FGF14: variants seen among roughly 807,000 people sequenced by gnomAD.
The protein encoded by FGF14 is fibroblast growth factor homologous factor 4.
In FGF14, 5 loss-of-function variants were observed where a neutral mutation model predicts 25.5. The ratio of observed to expected loss-of-function variants is 0.20; its 90% CI spans 0.10 to 0.41. FGF14 has a LOEUF of 0.41. Ranked by LOEUF, FGF14 falls within the 10% of genes least tolerant of loss-of-function variation. The pLI is 1.00. For missense variants in FGF14, 222 were observed against 320.1 expected (o/e 0.69, Z 2.34); for synonymous variants, 138 against 118.3 (o/e 1.17, Z -1.08).
At chr13:101,738,235 A>AT (rs1460083976) in intron 3 of FGF14, among the ~76,000 whole-genome samples, 20 of 152,286 alleles carry the variant, frequency 1.3e-4, no homozygotes, top group Admixed American at 6.5e-4. Flanking sequence ...CACCTACATC[A>AT]TGCTGCTATT....
At chr13:101,897,230 C>T (rs2030829122) in intron 1 of FGF14, among the ~76,000 whole-genome samples, 1 of 152,158 alleles carries the variant, frequency 6.6e-6, no homozygotes, top group Non-Finnish European at 1.5e-5. Context: ...CTCTCACATG[C>T]ATTATCTCAT....
At chr13:102,014,673 A>T (rs1449502525) in intron 1 of FGF14, among the ~76,000 whole-genome samples, 1 of 152,198 alleles carries the variant, frequency 6.6e-6, no homozygotes, top group African/African-American at 2.4e-5. Context: ...TCAAAAACAC[A>T]AGTCTTCCAT....
chr13:102,005,541 GT>G lies in FGF14; in HGVS notation c.209-130246del, dbSNP rs35184372. Among the ~76,000 whole-genome samples, 645 of 152,190 alleles carry G rather than the reference GT, an allele frequency of 4.2e-3. 4 individuals are homozygous for G. The highest frequency in any genetic ancestry group is 5.9e-3 in the Non-Finnish European group (400 of 68,016). ...GTTAGAAGTTTCTCTGATTTTTAAA[GT>G]TCAGTGCACATCAGCACAAGCAAAT... On this transcript the variant is annotated intron_variant, in intron 1 of 4. Coordinates refer to the FGF14 transcript ENST00000376131.
chr13:102,051,338 G>A (rs1460604483), intron 1 of FGF14, among the ~76,000 whole-genome samples: 2 of 152,166 alleles, frequency 1.3e-5, no homozygotes, highest in Non-Finnish European at 2.9e-5. Flanking sequence ...GTAGTGGGGA[G>A]TGCCTGTACC....
At position 102,226,127 on chromosome 13, in the gene FGF14, C is replaced by T. The variant is rs371955323; in HGVS notation, c.208+175344G>A. On this transcript the variant is annotated intron_variant, in intron 1 of 4. Coordinates refer to the FGF14 transcript ENST00000376131. ...CCAGGAAGTCTGCCAGCTGGCCCGT[C>T]CCTTACAGCACACTTCCTAAGATGC... Among the ~76,000 whole-genome samples, 17 of 152,188 alleles carry T rather than the reference C, an allele frequency of 1.1e-4. No homozygotes were observed. The East Asian group carries it at 1.7e-3, about 16-fold the overall frequency.
At position 102,164,084 on chromosome 13, in the gene FGF14, T is replaced by A. The variant is rs185602055; in HGVS notation, c.208+237387A>T. On this transcript the variant is annotated intron_variant, in intron 1 of 4. Coordinates refer to the FGF14 transcript ENST00000376131. ...TTGCTTTGTCCAGTGTAATGTCACT[T>A]ACAGGTAGAAGTTTTCAGAGGCTGA... is the stretch of plus-strand genomic sequence containing the variant. 3.1e-3 allele frequency among the ~76,000 whole-genome samples: 476 copies of A among 152,256 alleles called. 3 individuals carry two copies. The highest frequency in any genetic ancestry group is 5.9e-3 in the Admixed American group (90 of 15,274).
chr13:102,354,952 T>C (rs2057381094), intron 1 of FGF14, among the ~76,000 whole-genome samples: 1 of 152,236 alleles, frequency 6.6e-6, no homozygotes, highest in Admixed American at 6.6e-5. Context: ...ACATCTCAGC[T>C]GCAGCTGGTC....
chr13:102,140,043 A>AACCCCCCCC (rs1555365006), intron 1 of FGF14, among the ~76,000 whole-genome samples: 2 of 82,456 alleles, frequency 2.4e-5, no homozygotes, highest in African/African-American at 5.0e-5. Flanking sequence ...ACTCTTCAAG[A>AACCCCCCCC]CCCCCCCCCC....
chr13:101,733,219 T>C (rs1358806271), intron 3 of FGF14, among the ~76,000 whole-genome samples: 1 of 152,170 alleles, frequency 6.6e-6, no homozygotes, highest in Non-Finnish European at 1.5e-5. Context: ...AATATTGGGC[T>C]GTGACTAATG....
intron 3 of FGF14, among the ~76,000 whole-genome samples, chr13:101,797,735 A>ATATGTGTGTGTGTGTGTGTGTGTG (rs533967581): frequency 2.9e-5 from 1 of 33,998 alleles, no homozygotes; most frequent in Non-Finnish European, 1.0e-4. Context: ...TCATGAATTG[A>ATATGTGTGTGTGTGTGTGTGTGTG]TGTGTGTGTG....
At chr13:102,102,343 A>T (rs919702733) in intron 1 of FGF14, among the ~76,000 whole-genome samples, 1 of 152,202 alleles carries the variant, frequency 6.6e-6, no homozygotes, top group African/African-American at 2.4e-5. Context: ...TTGATGGGTA[A>T]TAAACTGCCT....
At chr13:101,965,282 C>T (rs994614773) in intron 1 of FGF14, among the ~76,000 whole-genome samples, 2 of 151,318 alleles carry the variant, frequency 1.3e-5, no homozygotes, top group Non-Finnish European at 2.9e-5. Flanking sequence ...TGGTTAACTA[C>T]AGAGTGAAGT....
intron 1 of FGF14, among the ~76,000 whole-genome samples, chr13:102,068,572 C>T (rs892228127): frequency 2.6e-5 from 4 of 152,212 alleles, no homozygotes; most frequent in African/African-American, 7.2e-5. Flanking sequence ...TCGGAGCAGA[C>T]GGCCGGCCCT....
At chr13:101,853,697 C>T (rs1594489651) in intron 3 of FGF14, among the ~76,000 whole-genome samples, 2 of 152,004 alleles carry the variant, frequency 1.3e-5, no homozygotes, top group Non-Finnish European at 2.9e-5. Flanking sequence ...CTCAAGTGAT[C>T]CTCCTGCCTC....
intron 1 of FGF14, among the ~76,000 whole-genome samples, chr13:102,129,496 T>C (rs887852253): frequency 6.6e-6 from 1 of 152,236 alleles, no homozygotes; most frequent in Admixed American, 6.5e-5. Context: ...TCTGTTACTA[T>C]TGGAAGAGAT....
At chr13:101,917,298 A>AC (rs201000356), upstream of FGF14, among the ~76,000 whole-genome samples, 2 of 150,258 alleles carry the variant, frequency 1.3e-5, no homozygotes, top group Non-Finnish European at 3.0e-5. Flanking sequence ...ACCCCACTAC[A>AC]CCCCCTCCAC....
chr13:101,939,253 T>G (rs2035292788), intron 1 of FGF14, among the ~76,000 whole-genome samples: 2 of 152,224 alleles, frequency 1.3e-5, no homozygotes, highest in African/African-American at 2.4e-5. Context: ...TTCATAGATA[T>G]TCTTGGTTTC....
intron 1 of FGF14, among the ~76,000 whole-genome samples, chr13:102,043,584 A>G (rs2140010525): frequency 6.6e-6 from 1 of 152,308 alleles, no homozygotes; most frequent in East Asian, 1.9e-4. Context: ...GGGAGAAATT[A>G]AAAAGAGGTA....
At chr13:101,916,343 G>A (rs557653297) in intron 1 of FGF14, 110 bp downstream of exon 1, 28 of 1,352,154 alleles carry the variant, frequency 2.1e-5, no homozygotes, top group East Asian at 7.2e-5. Flanking sequence ...AGGGAGGCCG[G>A]GGCCGGGGTG....
Sources: gnomAD v4.1 joint callset for allele counts (sites outside exome capture counted in the v4.1 genomes callset) on GRCh38, gnomAD v4.1.1 for gene constraint, MANE v1.5 for transcripts, NCBI Gene and HGNC (gene_info 2026-07-23, HGNC 2026-07-21) for gene names.